The following SH2D4A variants were observed in gnomAD, a reference collection of about 807,000 sequenced individuals.
SH2D4A encodes SH2 domain containing 4A, also known as SH2 domain-containing protein 4A.
SH2D4A carries 70 observed loss-of-function variants against 64.7 expected under a neutral mutation model. That is an observed-to-expected ratio of 1.08 (90% CI 0.89 to 1.32). SH2D4A has a LOEUF of 1.32. SH2D4A is among the 40% of genes most tolerant of loss of function. The probability of loss-of-function intolerance (pLI) is 0.00; values close to 1 mark genes in which losing one functional copy is unlikely to be tolerated. For missense variants in SH2D4A, 706 were observed against 540.1 expected, an observed-to-expected ratio of 1.31 and a Z score of -3.04; for synonymous variants, 268 against 200.7, an observed-to-expected ratio of 1.34 and a Z score of -2.83.
intron 8 of SH2D4A, among the ~76,000 whole-genome samples, chr8:19,381,941 A>G (rs1295600616): frequency 1.3e-5 from 2 of 151,994 alleles, no homozygotes; most frequent in African/African-American, 4.8e-5. Flanking sequence ...GGTGTGTTAC[A>G]TTGATCGATT....
At chr8:19,349,324 A>G (rs1263934949) in intron 4 of SH2D4A, among the ~76,000 whole-genome samples, 5 of 152,250 alleles carry the variant, frequency 3.3e-5, no homozygotes, top group Middle Eastern at 3.2e-3. Flanking sequence ...TATATAAGAT[A>G]GAATCACAAA....
chr8:19,328,793 G>A (rs2052324778), intron 2 of SH2D4A, among the ~76,000 whole-genome samples: 1 of 152,198 alleles, frequency 6.6e-6, no homozygotes, highest in African/African-American at 2.4e-5. Flanking sequence ...TCACCTAGCA[G>A]GCCTGTGAGG....
At chr8:19,316,376 C>G (rs763946504) in intron 1 of SH2D4A, among the ~76,000 whole-genome samples, 16 of 152,212 alleles carry the variant, frequency 1.1e-4, no homozygotes, top group Non-Finnish European at 1.9e-4. Context: ...CCTCCTTGCA[C>G]ATGTGAGAGG....
intron 7 of SH2D4A, among the ~76,000 whole-genome samples, chr8:19,370,844 T>A (rs968844409): frequency 6.6e-6 from 1 of 152,132 alleles, no homozygotes; most frequent in Non-Finnish European, 1.5e-5. Context: ...CACTTTTCTC[T>A]AGTAGTACAT....
At chr8:19,364,783 G>C (rs539755492) in intron 7 of SH2D4A, among the ~76,000 whole-genome samples, 1 of 152,160 alleles carries the variant, frequency 6.6e-6, no homozygotes, top group Non-Finnish European at 1.5e-5. Flanking sequence ...TCTCATTCAC[G>C]GATACATAGC....
At chr8:19,352,995 C>T (rs1347473030) in intron 4 of SH2D4A, among the ~76,000 whole-genome samples, 4 of 152,034 alleles carry the variant, frequency 2.6e-5, no homozygotes, top group Non-Finnish European at 2.9e-5. Flanking sequence ...GGGAACAGAG[C>T]GAGACTCTGT....
chr8:19,385,206 T>C, intron 8 of SH2D4A, among the ~76,000 whole-genome samples: 1 of 139,174 alleles, frequency 7.2e-6, no homozygotes, highest in Admixed American at 7.2e-5. Context: ...ACTTCAGCTG[T>C]TTTTTTGTTT....
In SH2D4A at chr8:19,393,513, C is replaced by G. The variant is rs373551382; in HGVS notation, c.1244C>G (p.Thr415Ser). The change falls in exon 9 of 10, where the codon ACC becomes AGC. Residue 415 changes from threonine (T) to serine (S), a missense_variant. Physicochemically the swap from Thr to Ser is moderately conservative, Grantham distance 58. Coordinates refer to ENST00000265807, the MANE Select transcript of SH2D4A (RefSeq NM_022071.4). ...GGCGTGGACCAGCTACAGCATGCCA[C>G]CTTGGCGGATTTGGTGGAATATCAC... ...FLGVDQLQHA[T>S]LADLVEYHKE... is the part of the protein sequence containing the mutation. The G allele has an allele frequency of 6.2e-7, 1 of 1,614,206 alleles. No homozygotes were observed. Among genetic ancestry groups the G allele is most frequent in the Non-Finnish European group, 8.5e-7 (1 of 1,180,042 alleles).
At chr8:19,339,681 T>C (rs4922019) in intron 4 of SH2D4A, among the ~76,000 whole-genome samples, 35,396 of 151,646 alleles carry the variant, frequency 0.23, 4,675 homozygotes, top group Middle Eastern at 0.35. Flanking sequence ...AACAATTTTT[T>C]ATAGTGATGG....
intron 1 of SH2D4A, among the ~76,000 whole-genome samples, chr8:19,315,910 A>C (rs1003073222): frequency 3.9e-5 from 6 of 152,218 alleles, no homozygotes; most frequent in African/African-American, 1.4e-4. Context: ...ATTAGAAGTC[A>C]CAGACTGAAC....
At chr8:19,318,451 A>G (rs2052127483) in intron 1 of SH2D4A, among the ~76,000 whole-genome samples, 1 of 152,238 alleles carries the variant, frequency 6.6e-6, no homozygotes, top group African/African-American at 2.4e-5. Context: ...GGAAAGTAGA[A>G]TGAAACCTCA....
At chr8:19,324,661 T>C (rs2052247954) in intron 2 of SH2D4A, among the ~76,000 whole-genome samples, 1 of 152,224 alleles carries the variant, frequency 6.6e-6, no homozygotes, top group Non-Finnish European at 1.5e-5. Flanking sequence ...TGCCTTCATC[T>C]TGAATATCTG....
At chr8:19,342,433 G>T (rs188277847) in intron 4 of SH2D4A, among the ~76,000 whole-genome samples, 11 of 152,368 alleles carry the variant, frequency 7.2e-5, no homozygotes, top group Non-Finnish European at 1.3e-4. Context: ...CACATGGTAA[G>T]AGGATAGCTG....
At chr8:19,390,108 G>A (rs538809472) in intron 8 of SH2D4A, among the ~76,000 whole-genome samples, 7 of 152,250 alleles carry the variant, frequency 4.6e-5, no homozygotes, top group East Asian at 3.9e-4. Flanking sequence ...AGTGGCTCAC[G>A]CCTATCATCC....
intron 8 of SH2D4A, among the ~76,000 whole-genome samples, chr8:19,388,584 T>A (rs751122034): frequency 6.6e-6 from 1 of 152,226 alleles, no homozygotes; most frequent in Non-Finnish European, 1.5e-5. Context: ...ATACAAACTT[T>A]ATTTGGCCAT....
chr8:19,355,000 A>G (rs935397241), intron 4 of SH2D4A, among the ~76,000 whole-genome samples: 1 of 152,212 alleles, frequency 6.6e-6, no homozygotes, highest in African/African-American at 2.4e-5. Flanking sequence ...CGTCTGTTCT[A>G]TTTTAGATGT....
chr8:19,320,623 C>CAAAA (rs57328086), intron 2 of SH2D4A, among the ~76,000 whole-genome samples: 48 of 68,858 alleles, frequency 7.0e-4, no homozygotes, highest in African/African-American at 2.3e-3. Context: ...GACTGTGTGT[C>CAAAA]AAAAAAAAAA....
chr8:19,367,743 A>G (rs545248346), intron 7 of SH2D4A, among the ~76,000 whole-genome samples: 5 of 151,706 alleles, frequency 3.3e-5, no homozygotes, highest in East Asian at 1.9e-4. Context: ...CCATTTGTCT[A>G]TTTTTCTTCG....
At chr8:19,317,641 C>G (rs146875578) in intron 1 of SH2D4A, among the ~76,000 whole-genome samples, 2 of 152,018 alleles carry the variant, frequency 1.3e-5, no homozygotes, top group Non-Finnish European at 2.9e-5. Context: ...CTACTTTGCA[C>G]GGAAGAGGAG....
Sources: allele counts gnomAD v4.1 joint callset (sites outside exome capture counted in the v4.1 genomes callset), GRCh38; gene constraint gnomAD v4.1.1; transcripts MANE v1.5; gene names NCBI Gene and HGNC (gene_info 2026-07-23, HGNC 2026-07-21).